The following MED24 variants were observed in gnomAD, a reference collection of about 807,000 sequenced individuals.
MED24 encodes the protein mediator of RNA polymerase II transcription subunit 24.
Under a neutral mutation model 118.8 loss-of-function variants are expected in MED24, and 74 were observed. The observed-to-expected ratio is 0.62, with a 90% CI of 0.52 to 0.76. The LOEUF (loss-of-function observed/expected upper bound fraction) is 0.76. Ranked by LOEUF, MED24 falls within the 30% of genes least tolerant of loss-of-function variation. The pLI, the probability that MED24 is intolerant of heterozygous loss-of-function variation, is 0.00. For missense variants in MED24, 1,041 were observed against 1,278.9 expected (o/e 0.81, Z 2.84); for synonymous variants, 521 against 523.9 (o/e 0.99, Z 0.08).
rs575329564 is a variant in MED24 at position 40,049,053 on chromosome 17, G to A, written c.213+4245C>T. On this transcript the variant is annotated intron_variant, in intron 3 of 25. Transcript: ENST00000394128. ...TCAAAATTTTGAAGACTGTAAAGGG[G>A]TCCAGGGACTGAGCACAGTGGCTCA... Among the ~76,000 whole-genome samples the A allele has an allele frequency of 3.9e-5, 6 of 152,048 alleles. No homozygotes were observed. In the South Asian group the frequency reaches 1.0e-3, roughly 26 times the overall value.
Position 40,023,526 on chromosome 17 carries a change from T to A in MED24, c.1986-131A>T. The A allele has an allele frequency of 9.9e-6, 9 of 907,474 alleles. No individual in the cohort carries two copies. The South Asian group carries it at 1.5e-4, about 15-fold the overall frequency. The allele number at this position is 907,474 out of a possible 1,614,324, so 56.2% of individuals were successfully genotyped here. ...ATCTCCCTGAGGCATTAACCCAGTT[T>A]TGCGCTGGGGGACGGTATACCCCGG... is the stretch of plus-strand genomic sequence containing the variant. On this transcript the variant is annotated intron_variant, in intron 19 of 25. Coordinates refer to ENST00000394128, the MANE Select transcript of MED24 (RefSeq NM_014815.4).
intron 25 of MED24, 46 bp downstream of exon 25, chr17:40,019,739 C>T: frequency 1.2e-6 from 2 of 1,603,802 alleles, no homozygotes; most frequent in East Asian, 4.5e-5. Context: ...TAAGGGCTGC[C>T]CCGAGGCCCC....
intron 3 of MED24, 120 bp downstream of exon 3, chr17:40,053,178 G>A (rs1235142759): frequency 2.2e-5 from 21 of 952,676 alleles, no homozygotes; most frequent in Non-Finnish European, 3.0e-5. Context: ...CAAGCAATCC[G>A]CCTGCCTCAG....
intron 3 of MED24, among the ~76,000 whole-genome samples, chr17:40,040,624 CTTT>C (rs574991562): frequency 2.1e-5 from 3 of 142,164 alleles, no homozygotes. Flanking sequence ...ATTTTATTTT[CTTT>C]TTTTTTTTTG....
Position 40,023,268 on chromosome 17 carries a change from G to A in MED24, c.2113C>T (p.Arg705Trp), listed in dbSNP as rs760671953. The A allele has an allele frequency of 2.0e-5, 32 of 1,614,036 alleles. No individual in the cohort carries two copies. The highest frequency in any genetic ancestry group is 3.3e-5 in the Admixed American group (2 of 59,992). Residue 705 changes from arginine to tryptophan, a missense_variant, in exon 20 of 26, where the codon CGG (arginine) becomes TGG (tryptophan). By Grantham distance (101) the Arg-to-Trp change is moderately radical. Transcript: ENST00000394128. ...TCCGTCAGCACCTCTTTGATGGGCC[G>A]CTTGGGGGGCAGCAGGTTCCAGTAG... The part of the protein sequence containing the change: ...MPYWNLLPPK[R>W]PIKEVLTDIF...
rs998385155 is a variant in MED24, at chr17:40,032,933, C to A, written c.822+123G>T. ...TGACAGAAGTGTGCACGACTGGCAC[C>A]CACTTTCCATCATGGAGCAGGAGAA... On this transcript the variant is annotated intron_variant, in intron 8 of 25. Transcript: ENST00000394128. 3 of 1,434,264 alleles carry A rather than the reference C, an allele frequency of 2.1e-6. No homozygotes were observed. The African/African-American group carries it at 4.2e-5, about 20-fold the overall frequency. 88.8% of individuals were successfully genotyped at this position (1,434,264 alleles called of 1,614,324 possible). A position where few individuals can be genotyped will look rare whatever the true frequency, so the allele number is the denominator to read the frequency against.
At chr17:40,038,261 T>C (rs1030790798) in intron 3 of MED24, among the ~76,000 whole-genome samples, 2 of 152,204 alleles carry the variant, frequency 1.3e-5, no homozygotes, top group African/African-American at 4.8e-5. Flanking sequence ...GAAGTTTTTA[T>C]TGCTTTGAAC....
intron 12 of MED24, 26 bp downstream of exon 12, chr17:40,031,133 G>A: frequency 1.9e-6 from 3 of 1,549,388 alleles, no homozygotes; most frequent in Non-Finnish European, 2.6e-6. Context: ...GGGCTCTTGG[G>A]GTAGCACAGG....
chr17:40,042,258 T>G (rs1321729571), intron 3 of MED24, among the ~76,000 whole-genome samples: 2 of 152,186 alleles, frequency 1.3e-5, no homozygotes, highest in Non-Finnish European at 1.5e-5. Flanking sequence ...TTCTAAAATT[T>G]GTCTGGAAAT....
chr17:40,053,801 T>C, intron 1 of MED24, 166 bp from the exon 2 acceptor site: 2 of 924,322 alleles, frequency 2.2e-6, no homozygotes, highest in Non-Finnish European at 3.2e-6. Flanking sequence ...TGTCAGACTC[T>C]CTCCTCCTGA....
Position 40,033,365 on chromosome 17 carries a change from CT to C in MED24, c.650del (p.Gln217ArgfsTer31). Reference sequence around the variant, plus strand: ...GGTACCTCCTAATGAGGGTGCCACACTGCTCGGCCTGACTCCGGAGCTGCGG... The same window carrying C: ...GGTACCTCCTAATGAGGGTGCCACACGCTCGGCCTGACTCCGGAGCTGCGG... ...SNPQLRSQAE[Q>X]CGTLIRSIPT... is the part of the protein sequence containing the mutation. On this transcript the variant is annotated frameshift_variant, in exon 7 of 26. Coordinates refer to ENST00000394128, the MANE Select transcript of MED24 (RefSeq NM_014815.4). LOFTEE classifies it high-confidence loss of function. This position sits in a 1 kb window ranked among gnomAD's most constrained non-coding sequence, Gnocchi z 5.2. 4 of 1,613,118 alleles carry C rather than the reference CT, an allele frequency of 2.5e-6. No individual in the cohort carries two copies. The highest frequency in any genetic ancestry group is 3.4e-6 in the Non-Finnish European group (4 of 1,179,604).
In MED24 at chr17:40,038,269, A is replaced by G. The variant is rs1984175261; in HGVS notation, c.214-2115T>C. Among the ~76,000 whole-genome samples, 6 of 152,202 alleles carry G rather than the reference A, an allele frequency of 3.9e-5. No homozygotes were observed. In the South Asian group the frequency reaches 1.2e-3, roughly 31 times the overall value. On this transcript the variant is annotated intron_variant, in intron 3 of 25. Coordinates refer to ENST00000394128, the MANE Select transcript of MED24 (RefSeq NM_014815.4). The stretch of plus-strand genomic sequence containing the variant: ...TCCTCAGGAAGTTTTTATTGCTTTG[A>G]ACAGATGAATTCTACTAACTAGTTG...
intron 1 of MED24, 156 bp from the exon 2 acceptor site, chr17:40,053,791 T>G: frequency 1.0e-6 from 1 of 985,400 alleles, no homozygotes; most frequent in Non-Finnish European, 1.5e-6. Context: ...AGTAAGATCC[T>G]GTCAGACTCT....
rs59767650 is a variant in MED24 at position 40,019,175 on chromosome 17, AACACACACACACACACACACAC to A, written c.*332_*353del. 1 of 146,364 alleles carries A rather than the reference AACACACACACACACACACACAC, an allele frequency of 6.8e-6. No homozygotes were observed. Among genetic ancestry groups the A allele is most frequent in the African/African-American group, 3.0e-5 (1 of 32,806 alleles). 9.1% of individuals were successfully genotyped at this position (146,364 alleles called of 1,614,324 possible). A position where few individuals can be genotyped will look rare whatever the true frequency, so the allele number is the denominator to read the frequency against. ...CCTCACATATTACAAAATACACACA[AACACACACACACACACACACAC>A]ACACACATACACACTTTGCATCTAG... On this transcript the variant is annotated 3_prime_UTR_variant, in exon 26 of 26. Transcript: ENST00000394128.
chr17:40,022,521 G>A (rs750247573), intron 21 of MED24, 37 bp from the exon 22 acceptor site: 31 of 1,593,586 alleles, frequency 1.9e-5, no homozygotes, highest in Non-Finnish European at 2.7e-5. Context: ...GACAGTGAGA[G>A]GTGCCCCAGG....
At chr17:40,043,890 C>CAAAAAAAAAAAAACAAAAA in intron 3 of MED24, among the ~76,000 whole-genome samples, 1 of 97,448 alleles carries the variant, frequency 1.0e-5, no homozygotes, top group African/African-American at 3.7e-5. Context: ...GACTCCATCT[C>CAAAAAAAAAAAAACAAAAA]AAAAAAAAAA....
At chr17:40,024,313 C>T (rs1413477638) in intron 19 of MED24, among the ~76,000 whole-genome samples, 2 of 152,148 alleles carry the variant, frequency 1.3e-5, no homozygotes, top group Non-Finnish European at 2.9e-5. Context: ...GCGGGAAGAT[C>T]ACCTGAAATC....
At chr17:40,029,110 A>C in intron 13 of MED24, 142 bp from the exon 14 acceptor site, 1 of 1,127,746 alleles carries the variant, frequency 8.9e-7, no homozygotes, top group Non-Finnish European at 1.3e-6. Flanking sequence ...CATTCCTAAA[A>C]CCCACCCCTG....
Position 40,027,437 on chromosome 17 carries a change from C to G in MED24, c.1476G>C (p.Leu492=). 1 of 1,613,490 alleles carries G rather than the reference C, an allele frequency of 6.2e-7. No homozygotes were observed. The highest frequency in any genetic ancestry group is 8.5e-7 in the Non-Finnish European group (1 of 1,179,688). The change falls in exon 16 of 26, where the codon CTG becomes CTC. Residue 492 remains leucine (L), a synonymous_variant. Coordinates refer to ENST00000394128, the MANE Select transcript of MED24 (RefSeq NM_014815.4). ...ACAGCATGAGGAAGGAGATGTCAAA[C>G]AGCAGGGCCCGGACGGAGGCCGGTT... The part of the protein sequence containing the change: ...STKPASVRAL[L]FDISFLMLCH...
Sources: gnomAD v4.1 joint callset for allele counts (sites outside exome capture counted in the v4.1 genomes callset) on GRCh38, gnomAD v4.1.1 for gene constraint, Gnocchi (gnomAD v3.1) non-coding constraint, MANE v1.5 for transcripts, NCBI Gene and HGNC (gene_info 2026-07-23, HGNC 2026-07-21) for gene names.